HNF4G: variants seen among roughly 807,000 people sequenced by gnomAD.
HNF4G encodes hepatocyte nuclear factor 4 gamma, also known as hepatocyte nuclear factor 4-gamma.
HNF4G carries 21 observed loss-of-function variants against 50.9 expected under a neutral mutation model. That is an observed-to-expected ratio of 0.41 (90% CI 0.29 to 0.59). The LOEUF (loss-of-function observed/expected upper bound fraction) is 0.59. Ranked by LOEUF, HNF4G falls within the 20% of genes least tolerant of loss-of-function variation. The pLI is 0.26. For missense variants in HNF4G, 527 were observed against 559.4 expected (o/e 0.94, Z 0.58); for synonymous variants, 198 against 185.6 (o/e 1.07, Z -0.54).
chr8:75,502,449 G>A (rs1297512275), intron 2 of HNF4G, among the ~76,000 whole-genome samples: 1 of 152,054 alleles, frequency 6.6e-6, no homozygotes, highest in Admixed American at 6.6e-5. Context: ...ATTTTAATAT[G>A]TAAAGAGATT....
At chr8:75,454,134 T>C (rs1585858299) in intron 1 of HNF4G, among the ~76,000 whole-genome samples, 1 of 108,390 alleles carries the variant, frequency 9.2e-6, no homozygotes, top group African/African-American at 3.6e-5. Flanking sequence ...TCTCCCCCAC[T>C]CCACATACAG....
chr8:75,443,936 A>C (rs1028486540), intron 1 of HNF4G, among the ~76,000 whole-genome samples: 1 of 152,186 alleles, frequency 6.6e-6, no homozygotes, highest in Non-Finnish European at 1.5e-5. Context: ...AAGCTATAAT[A>C]ATTAAAGCTC....
chr8:75,453,556 C>CTG (rs1321537279), intron 1 of HNF4G, among the ~76,000 whole-genome samples: 3 of 146,882 alleles, frequency 2.0e-5, no homozygotes, highest in African/African-American at 5.0e-5. Context: ...CCTTTCCATG[C>CTG]TGTGGAAGCT....
intron 1 of HNF4G, among the ~76,000 whole-genome samples, chr8:75,443,237 G>A (rs1010444003): frequency 6.6e-6 from 1 of 152,102 alleles, no homozygotes; most frequent in Non-Finnish European, 1.5e-5. Flanking sequence ...CCAGAACTGT[G>A]AGAAATAAAT....
chr8:75,478,833 C>T (rs889577932), intron 1 of HNF4G, among the ~76,000 whole-genome samples: 2 of 152,192 alleles, frequency 1.3e-5, no homozygotes, highest in African/African-American at 2.4e-5. Flanking sequence ...AAGCGATTCT[C>T]CTGCCTCAGC....
At chr8:75,443,352 G>A (rs192037315) in intron 1 of HNF4G, among the ~76,000 whole-genome samples, 3 of 152,172 alleles carry the variant, frequency 2.0e-5, no homozygotes, top group Non-Finnish European at 4.4e-5. Flanking sequence ...GCATTATCCA[G>A]TTTTCCAGTC....
upstream of HNF4G, chr8:75,539,815 G>A (rs990991530): frequency 1.8e-6 from 1 of 559,730 alleles, no homozygotes; most frequent in Middle Eastern, 2.8e-4. Context: ...GAAGGTTACA[G>A]TTTTACAGCC....
chr8:75,424,687 G>A lies in HNF4G; in HGVS notation c.-144+16525G>A, dbSNP rs570126850. On this transcript the variant is annotated intron_variant, in intron 1 of 10. Coordinates refer to the HNF4G transcript ENST00000354370. ...AATTTGCATAGGATAATGGCCTCCAGTTGCATCCATTCTGCTGCAAAGAAC... is the reference window on the plus strand; with the variant it reads ...AATTTGCATAGGATAATGGCCTCCAATTGCATCCATTCTGCTGCAAAGAAC... Among the ~76,000 whole-genome samples the A allele has an allele frequency of 2.0e-4, 30 of 152,256 alleles. 1 individual carries two copies. In the South Asian group the frequency reaches 6.0e-3, roughly 30 times the overall value.
chr8:75,558,742 A>G (rs573982538), intron 7 of HNF4G, 59 bp from the exon 8 acceptor site: 3 of 1,577,862 alleles, frequency 1.9e-6, no homozygotes, highest in Admixed American at 3.4e-5. Context: ...TAGAATATTT[A>G]TTGTCTCACA....
At chr8:75,465,261 G>T (rs1245640052) in intron 1 of HNF4G, among the ~76,000 whole-genome samples, 5 of 152,082 alleles carry the variant, frequency 3.3e-5, no homozygotes, top group African/African-American at 1.2e-4. Context: ...AATATATAAT[G>T]CTCACAAATT....
chr8:75,547,268 A>C (rs1806807963), intron 2 of HNF4G, among the ~76,000 whole-genome samples: 1 of 152,222 alleles, frequency 6.6e-6, no homozygotes, highest in South Asian at 2.1e-4. Flanking sequence ...ATTTAGCAAT[A>C]AGCAACAAAA....
intron 1 of HNF4G, among the ~76,000 whole-genome samples, chr8:75,469,803 T>C (rs914829046): frequency 6.6e-6 from 1 of 152,180 alleles, no homozygotes; most frequent in African/African-American, 2.4e-5. Flanking sequence ...ACAAATCCTG[T>C]CAGTTTCGAT....
intron 2 of HNF4G, among the ~76,000 whole-genome samples, chr8:75,501,235 T>C (rs1431315492): frequency 1.3e-5 from 2 of 151,898 alleles, no homozygotes; most frequent in Non-Finnish European, 2.9e-5. Context: ...AGTCCAGGGG[T>C]TTGAGACCAG....
intron 2 of HNF4G, among the ~76,000 whole-genome samples, chr8:75,507,383 C>A (rs1383110610): frequency 2.0e-5 from 3 of 151,842 alleles, no homozygotes; most frequent in African/African-American, 7.3e-5. Flanking sequence ...GCCACAGCCT[C>A]CCGAGTAGCT....
At chr8:75,563,922 G>T in intron 9 of HNF4G, 53 bp from the exon 10 acceptor site, 1 of 1,601,672 alleles carries the variant, frequency 6.2e-7, no homozygotes, top group Non-Finnish European at 8.5e-7. Flanking sequence ...GGTTTAATGG[G>T]GTGAGGAAGA....
At chr8:75,491,584 C>T (rs117945110) in intron 2 of HNF4G, among the ~76,000 whole-genome samples, 3,930 of 151,974 alleles carry the variant, frequency 0.026, 84 homozygotes, top group Admixed American at 0.048. Flanking sequence ...TCAAGCAATT[C>T]TCGTGCCTCA....
At chr8:75,449,715 GC>G (rs1811535753) in intron 1 of HNF4G, among the ~76,000 whole-genome samples, 1 of 151,780 alleles carries the variant, frequency 6.6e-6, no homozygotes, top group Non-Finnish European at 1.5e-5. Context: ...CACCGTGTTA[GC>G]CCGGATGGTC....
At chr8:75,483,030 T>C (rs1435662383) in intron 1 of HNF4G, among the ~76,000 whole-genome samples, 1 of 152,188 alleles carries the variant, frequency 6.6e-6, no homozygotes, top group Admixed American at 6.6e-5. Flanking sequence ...GGAGGGACAA[T>C]TGAACACTTT....
chr8:75,546,572 G>A (rs1476741211), intron 2 of HNF4G, among the ~76,000 whole-genome samples: 2 of 152,134 alleles, frequency 1.3e-5, no homozygotes, highest in South Asian at 2.1e-4. Flanking sequence ...TGTTTCTACA[G>A]ATTTGCCTTT....
Sources: gnomAD v4.1 joint callset for allele counts (sites outside exome capture counted in the v4.1 genomes callset) on GRCh38, gnomAD v4.1.1 for gene constraint, MANE v1.5 for transcripts, NCBI Gene and HGNC (gene_info 2026-07-23, HGNC 2026-07-21) for gene names.